SKP1: variants seen among roughly 807,000 people sequenced by gnomAD.
SKP1 encodes S-phase kinase associated protein 1.
Under a neutral mutation model 21.5 loss-of-function variants are expected in SKP1, and 1 was observed. The ratio of observed to expected loss-of-function variants is 0.05; its 90% CI spans 0.02 to 0.22. The LOEUF is 0.22. Among genes scored for constraint, SKP1 ranks in the 10% least tolerant of loss-of-function variants. The pLI is 1.00. For synonymous variants in SKP1, 59 were observed against 59.3 expected, an observed-to-expected ratio of 0.99 and a Z score of 0.03; for missense variants, 70 against 192.0, an observed-to-expected ratio of 0.36 and a Z score of 3.76.
At position 134,151,438 on chromosome 5, in the gene SKP1, A is replaced by C. The variant is rs1761041524; in HGVS notation, c.*6295T>G. 4.0e-6 allele frequency: 1 copy of C among 249,886 alleles called. No individual in the cohort carries two copies. The highest frequency in any genetic ancestry group is 2.2e-5 in the African/African-American group (1 of 45,164). The allele number at this position is 249,886 out of a possible 1,614,324, so 15.5% of individuals were successfully genotyped here. ...GCTTCCTGGAACAGAAAAATCTGCA[A>C]AGCAACTGAAGAAGGCAGTTAGAGG... On this transcript the variant is annotated 3_prime_UTR_variant, in exon 6 of 6. Coordinates refer to ENST00000353411, the MANE Select transcript of SKP1 (RefSeq NM_170679.3).
At chr5:134,160,958 T>C (rs75350593) in intron 4 of SKP1, 29 bp downstream of exon 4, 150,315 of 1,546,466 alleles carry the variant, frequency 0.097, 10,583 homozygotes, top group East Asian at 0.39. Context: ...GGCTCTAGAG[T>C]AGAGCTATCT....
chr5:134,151,945 A>G lies in SKP1; in HGVS notation c.*5788T>C, dbSNP rs1561715614. The G allele has an allele frequency of 3.5e-6, 1 of 288,250 alleles. No individual in the cohort carries two copies. The highest frequency in any genetic ancestry group is 7.1e-6 in the Non-Finnish European group (1 of 140,458). The allele number at this position is 288,250 out of a possible 1,614,324, so 17.9% of individuals were successfully genotyped here. On this transcript the variant is annotated 3_prime_UTR_variant, in exon 6 of 6. Transcript: ENST00000353411. ...CTCCACTGATGCCTCAGCAGAAAGG[A>G]TAACATTCAGCCAATCCTGCTTAGG...
rs369268714 is a variant in SKP1 at position 134,157,335 on chromosome 5, A to G, written c.*398T>C. ...AGTTTCCAACTCATGAATAAAGATA[A>G]TATTTTGTTAATTCTATTCCAGAAA... is the stretch of plus-strand genomic sequence containing the variant. On this transcript the variant is annotated 3_prime_UTR_variant, in exon 6 of 6. Transcript: ENST00000353411. The G allele has an allele frequency of 1.6e-5, 3 of 188,706 alleles. No individual in the cohort carries two copies. The highest frequency in any genetic ancestry group is 5.5e-5 in the Admixed American group (1 of 18,126). The allele number at this position is 188,706 out of a possible 1,614,324, so 11.7% of individuals were successfully genotyped here. A position where few individuals can be genotyped will look rare whatever the true frequency, so the allele number is the denominator to read the frequency against.
At chr5:134,163,135 A>G (rs1761249348) in intron 3 of SKP1, among the ~76,000 whole-genome samples, 1 of 143,282 alleles carries the variant, frequency 7.0e-6, no homozygotes, top group Non-Finnish European at 1.5e-5. Flanking sequence ...GAATCACTTG[A>G]GCCCAGGAGG....
intron 3 of SKP1, among the ~76,000 whole-genome samples, chr5:134,163,718 A>G (rs1761268677): frequency 6.6e-6 from 1 of 152,116 alleles, no homozygotes; most frequent in Non-Finnish European, 1.5e-5. Flanking sequence ...TGAACCCGGG[A>G]GGTAGAAGGT....
At chr5:134,167,552 T>A (rs1761354646) in intron 2 of SKP1, among the ~76,000 whole-genome samples, 1 of 151,990 alleles carries the variant, frequency 6.6e-6, no homozygotes, top group African/African-American at 2.4e-5. Flanking sequence ...AGACAGATTC[T>A]TGCTCTGTCG....
chr5:134,158,397 T>A (rs766991422), intron 5 of SKP1, 58 bp downstream of exon 5: 1 of 1,613,304 alleles, frequency 6.2e-7, no homozygotes, highest in Non-Finnish European at 8.5e-7. Context: ...TGGCATGTTA[T>A]AGGTGTTACT....
chr5:134,158,611 T>A lies in SKP1; in HGVS notation c.316-16A>T. On this transcript the variant is annotated splice_polypyrimidine_tract_variant and intron_variant, in intron 4 of 5. Transcript: ENST00000353411. Reference sequence around the variant, plus strand: ...AGTTTGCAGCCTGTAAAGAGACAGTTGTTTTCCTTAAAGTATACTTGATGT... The same window carrying A: ...AGTTTGCAGCCTGTAAAGAGACAGTAGTTTTCCTTAAAGTATACTTGATGT... The A allele has an allele frequency of 6.2e-7, 1 of 1,610,054 alleles. No individual in the cohort carries two copies. Among genetic ancestry groups the A allele is most frequent in the Non-Finnish European group, 8.5e-7 (1 of 1,177,690 alleles).
intron 2 of SKP1, chr5:134,171,139 G>A: frequency 2.5e-6 from 1 of 397,512 alleles, no homozygotes; most frequent in Non-Finnish European, 4.9e-6. Flanking sequence ...AATTACTAAA[G>A]AGAATTCTAA....
intron 3 of SKP1, among the ~76,000 whole-genome samples, chr5:134,163,499 A>C (rs953489959): frequency 2.6e-5 from 4 of 151,686 alleles, no homozygotes; most frequent in Non-Finnish European, 5.9e-5. Flanking sequence ...AAAAAAAAAA[A>C]AACTTCTCGG....
At position 134,162,047 on chromosome 5, in the gene SKP1, T is replaced by C. The variant is rs147288278; in HGVS notation, c.172-917A>G. The C allele has an allele frequency of 3.6e-3, 547 of 151,460 alleles. 2 individuals are homozygous for C. Among genetic ancestry groups the C allele is most frequent in the African/African-American group, 0.013 (519 of 41,222 alleles). 9.4% of individuals were successfully genotyped at this position (151,460 alleles called of 1,614,324 possible). A position where few individuals can be genotyped will look rare whatever the true frequency, so the allele number is the denominator to read the frequency against. On this transcript the variant is annotated intron_variant, in intron 3 of 5. Transcript: ENST00000353411. ...GAGAAAATGGCAGAGCCAAGAAACA[T>C]TGCCAGGATCCAAAAAAAAAAAAAG...
intron 4 of SKP1, 55 bp downstream of exon 4, chr5:134,160,931 TA>T (rs1409265743): frequency 1.9e-5 from 24 of 1,251,980 alleles, no homozygotes; most frequent in Admixed American, 2.3e-5. Flanking sequence ...AATTTAAATC[TA>T]TAAGAAGTGT....
rs1011140143 is a variant in SKP1, at chr5:134,152,304, T to G, written c.*5429A>C. On this transcript the variant is annotated 3_prime_UTR_variant, in exon 6 of 6. Transcript: ENST00000353411. ...ATACTACTGAGTGTCAGCAAAGTAC[T>G]GTGACTAATCCTGCCCTAATTTCTC... 1 of 152,282 alleles carries G rather than the reference T, an allele frequency of 6.6e-6. No individual in the cohort carries two copies. The highest frequency in any genetic ancestry group is 1.5e-5 in the Non-Finnish European group (1 of 68,096). The allele number at this position is 152,282 out of a possible 1,614,324, so 9.4% of individuals were successfully genotyped here.
In SKP1 at chr5:134,165,231, AATGTT is replaced by A. The variant is rs1276244889; in HGVS notation, c.171+1934_171+1938del. On this transcript the variant is annotated intron_variant, in intron 3 of 5. Transcript: ENST00000353411. ...GCACGTTCAAAAAGTGAAAATGATC[AATGTT>A]ATGTATATTTTATCACTATTTTTCT... Among the ~76,000 whole-genome samples, 3 of 152,198 alleles carry A rather than the reference AATGTT, an allele frequency of 2.0e-5. No individual in the cohort carries two copies. In the East Asian group the frequency reaches 5.8e-4, roughly 29 times the overall value.
At chr5:134,158,375 C>A (rs1580924371) in intron 5 of SKP1, 80 bp downstream of exon 5, 6 of 1,610,564 alleles carry the variant, frequency 3.7e-6, no homozygotes, top group South Asian at 1.1e-5. Flanking sequence ...TTGATACAGT[C>A]ACCTCTTTTG....
chr5:134,174,963 C>T (rs1456843511), intron 1 of SKP1: 1 of 152,114 alleles, frequency 6.6e-6, no homozygotes, highest in Non-Finnish European at 1.5e-5. Flanking sequence ...CCTCTTAAAA[C>T]TCACATACAA....
At position 134,149,825 on chromosome 5, in the gene SKP1, C is replaced by T. The variant is rs922816433; in HGVS notation, c.*7908G>A. ...TGTGTATTGGCGGGGAAGTCTTTGG[C>T]AACTCTGTTTAAATCAGATCAGCTT... On this transcript the variant is annotated 3_prime_UTR_variant, in exon 6 of 6. Coordinates refer to ENST00000353411, the MANE Select transcript of SKP1 (RefSeq NM_170679.3). 1.3e-5 allele frequency: 2 copies of T among 151,502 alleles called. No individual in the cohort carries two copies. The highest frequency in any genetic ancestry group is 2.9e-5 in the Non-Finnish European group (2 of 67,982). The allele number at this position is 151,502 out of a possible 1,614,324, so 9.4% of individuals were successfully genotyped here. A position where few individuals can be genotyped will look rare whatever the true frequency, so the allele number is the denominator to read the frequency against.
At position 134,152,509 on chromosome 5, in the gene SKP1, C is replaced by T. The variant is rs922149724; in HGVS notation, c.*5224G>A. 4 of 152,098 alleles carry T rather than the reference C, an allele frequency of 2.6e-5. No individual in the cohort carries two copies. Among genetic ancestry groups the T allele is most frequent in the Non-Finnish European group, 2.9e-5 (2 of 68,014 alleles). The allele number at this position is 152,098 out of a possible 1,614,324, so 9.4% of individuals were successfully genotyped here. On this transcript the variant is annotated 3_prime_UTR_variant, in exon 6 of 6. Coordinates refer to ENST00000353411, the MANE Select transcript of SKP1 (RefSeq NM_170679.3). ...TTCGTAGCACCTTTCAGCTCTGTAGCCCCCCATTGGCTCATTAATCTGTTC... is the reference window on the plus strand; with the variant it reads ...TTCGTAGCACCTTTCAGCTCTGTAGTCCCCCATTGGCTCATTAATCTGTTC...
chr5:134,169,122 G>A (rs1761390741), intron 2 of SKP1, among the ~76,000 whole-genome samples: 1 of 152,094 alleles, frequency 6.6e-6, no homozygotes, highest in African/African-American at 2.4e-5. Flanking sequence ...GTCAAGAGGG[G>A]AATAATCAAG....
Sources: allele counts gnomAD v4.1 joint callset (sites outside exome capture counted in the v4.1 genomes callset), GRCh38; gene constraint gnomAD v4.1.1; transcripts MANE v1.5; gene names NCBI Gene and HGNC (gene_info 2026-07-23, HGNC 2026-07-21).